The following MFSD8 variants were observed in gnomAD, a reference collection of about 807,000 sequenced individuals.
The protein encoded by MFSD8 is major facilitator superfamily domain containing 8.
A neutral mutation model predicts 66.4 loss-of-function variants in MFSD8; 55 were observed. The ratio of observed to expected loss-of-function variants is 0.83; its 90% CI spans 0.67 to 1.04. MFSD8 has a LOEUF of 1.04. Among genes scored for constraint, MFSD8 ranks in the 50% least tolerant of loss-of-function variants. MFSD8 has a pLI of 0.00. For missense variants in MFSD8, 550 were observed against 627.6 expected, an observed-to-expected ratio of 0.88 and a Z score of 1.32; for synonymous variants, 202 against 212.8, an observed-to-expected ratio of 0.95 and a Z score of 0.44.
At chr4:127,944,713 C>T (rs1014921252) in intron 3 of MFSD8, among the ~76,000 whole-genome samples, 4 of 151,666 alleles carry the variant, frequency 2.6e-5, no homozygotes, top group Non-Finnish European at 4.4e-5. Context: ...CAGGCTGGAG[C>T]GCAGTGGTCC....
rs1026454869 is a variant in MFSD8 at position 127,923,555 on chromosome 4, A to T, written c.999-1592T>A. On this transcript the variant is annotated intron_variant, in intron 9 of 11. Transcript: ENST00000641686. Reference sequence around the variant, plus strand: ...AGTATTTTATTTTTTATTTTTATTTATTATTATTATTATTATTATTATTAT... The same window carrying T: ...AGTATTTTATTTTTTATTTTTATTTTTTATTATTATTATTATTATTATTAT... Among the ~76,000 whole-genome samples the T allele has an allele frequency of 1.4e-3, 128 of 89,660 alleles. 1 individual carries two copies. The highest frequency in any genetic ancestry group is 4.2e-3 in the African/African-American group (109 of 25,966). The allele number at this position is 89,660 out of a possible 152,430, so 58.8% of individuals were successfully genotyped here. A position where few individuals can be genotyped will look rare whatever the true frequency, so the allele number is the denominator to read the frequency against.
At chr4:127,944,081 T>C in intron 3 of MFSD8, 89 bp from the exon 4 acceptor site, 4 of 1,561,898 alleles carry the variant, frequency 2.6e-6, no homozygotes, top group Non-Finnish European at 3.5e-6. Context: ...AGATTTCCTA[T>C]CAAAAAATAA....
intron 7 of MFSD8, among the ~76,000 whole-genome samples, chr4:127,934,351 TGAC>T (rs1319069109): frequency 6.6e-6 from 1 of 152,168 alleles, no homozygotes; most frequent in Non-Finnish European, 1.5e-5. Context: ...AATCAGGATT[TGAC>T]GGTGGTTTTA....
intron 9 of MFSD8, among the ~76,000 whole-genome samples, chr4:127,929,509 G>T (rs745478550): frequency 6.6e-6 from 1 of 150,738 alleles, no homozygotes; most frequent in Non-Finnish European, 1.5e-5. Flanking sequence ...GATTGCTTCA[G>T]CCCAGGAGTC....
At chr4:127,923,890 A>C (rs146380273) in intron 9 of MFSD8, among the ~76,000 whole-genome samples, 4,083 of 152,100 alleles carry the variant, frequency 0.027, 160 homozygotes, top group African/African-American at 0.093. Context: ...TGGGTTTGCC[A>C]GTATTTTATT....
chr4:127,958,839 G>A (rs114777614), intron 1 of MFSD8, among the ~76,000 whole-genome samples: 4,092 of 152,160 alleles, frequency 0.027, 162 homozygotes, highest in African/African-American at 0.093. Context: ...TTCTTTTAAT[G>A]ACAAATGACA....
At chr4:127,940,518 A>ATG (rs921095001) in intron 5 of MFSD8, among the ~76,000 whole-genome samples, 3 of 127,682 alleles carry the variant, frequency 2.3e-5, no homozygotes, top group African/African-American at 9.5e-5. Flanking sequence ...TGTATATGGT[A>ATG]TATATATATA....
intron 1 of MFSD8, among the ~76,000 whole-genome samples, chr4:127,960,598 A>G (rs1423455771): frequency 6.6e-6 from 1 of 152,192 alleles, no homozygotes; most frequent in Non-Finnish European, 1.5e-5. Context: ...GTGTAGTGGT[A>G]TAACAGTTAC....
chr4:127,939,079 G>A (rs1739637298), intron 6 of MFSD8: 2 of 324,974 alleles, frequency 6.2e-6, no homozygotes, highest in Non-Finnish European at 1.1e-5. Context: ...AAGCATACAT[G>A]ATCTACTTTA....
At chr4:127,940,023 T>G in intron 5 of MFSD8, 26 bp from the exon 6 acceptor site, 6 of 1,587,918 alleles carry the variant, frequency 3.8e-6, no homozygotes, top group Non-Finnish European at 5.2e-6. Flanking sequence ...TTTTCACAGA[T>G]GAATTATTAT....
intron 1 of MFSD8, among the ~76,000 whole-genome samples, chr4:127,961,007 G>T (rs1743644377): frequency 6.6e-6 from 1 of 151,936 alleles, no homozygotes; most frequent in Non-Finnish European, 1.5e-5. Flanking sequence ...TACAATCTGG[G>T]ACTTTACAGG....
chr4:127,942,817 A>G (rs1325377318), intron 4 of MFSD8, among the ~76,000 whole-genome samples: 1 of 152,230 alleles, frequency 6.6e-6, no homozygotes, highest in African/African-American at 2.4e-5. Context: ...GAAACAGAAA[A>G]AAATGCACTA....
At chr4:127,938,753 T>C (rs773553285) in intron 7 of MFSD8, 30 bp downstream of exon 7, 1 of 1,568,190 alleles carries the variant, frequency 6.4e-7, no homozygotes, top group Admixed American at 1.7e-5. Context: ...GATAATGTTA[T>C]ATTAATTCAG....
At position 127,941,943 on chromosome 4, in the gene MFSD8, T is replaced by C. The variant is rs1740261769; in HGVS notation, c.553+102A>G. On this transcript the variant is annotated intron_variant, in intron 5 of 11. Transcript: ENST00000641686. ...AAAAAAAAATTAGCTTTCCTCCCTT[T>C]CCCTTCAGCTATGAGTTTTTATACT... The C allele has an allele frequency of 1.6e-5, 15 of 930,866 alleles. No individual in the cohort carries two copies. The Admixed American group carries it at 2.7e-4, about 17-fold the overall frequency. 57.7% of individuals were successfully genotyped at this position (930,866 alleles called of 1,614,324 possible).
At chr4:127,925,938 A>G (rs1264564541) in intron 9 of MFSD8, among the ~76,000 whole-genome samples, 1 of 152,158 alleles carries the variant, frequency 6.6e-6, no homozygotes, top group Non-Finnish European at 1.5e-5. Context: ...TGTCTTTTAC[A>G]GTAACATGGA....
chr4:127,925,635 TTGG>T (rs1196018578), intron 9 of MFSD8, among the ~76,000 whole-genome samples: 3 of 152,210 alleles, frequency 2.0e-5, no homozygotes, highest in African/African-American at 7.2e-5. Context: ...CTTTACACTG[TTGG>T]TGGGAGTGTA....
At chr4:127,942,560 G>T (rs895235793) in intron 4 of MFSD8, among the ~76,000 whole-genome samples, 1 of 151,358 alleles carries the variant, frequency 6.6e-6, no homozygotes, top group Non-Finnish European at 1.5e-5. Context: ...TCCACCTGTA[G>T]TCCCAACTAC....
intron 2 of MFSD8, 108 bp from the exon 3 acceptor site, chr4:127,949,955 T>C: frequency 1.1e-6 from 1 of 949,270 alleles, no homozygotes; most frequent in Non-Finnish European, 1.6e-6. Flanking sequence ...GAACCTAAAA[T>C]CTATGCATAC....
chr4:127,933,122 T>C (rs756977653), intron 7 of MFSD8, 29 bp from the exon 8 acceptor site: 88 of 1,503,236 alleles, frequency 5.9e-5, no homozygotes, highest in East Asian at 5.4e-4. Flanking sequence ...AAAATTACAT[T>C]ACCTATACAT....
Sources: allele counts gnomAD v4.1 joint callset (sites outside exome capture counted in the v4.1 genomes callset), GRCh38; gene constraint gnomAD v4.1.1; transcripts MANE v1.5; gene names NCBI Gene and HGNC (gene_info 2026-07-23, HGNC 2026-07-21).